The following ERBB4 variants were observed in gnomAD, a reference collection of about 807,000 sequenced individuals.
ERBB4 encodes the protein receptor tyrosine-protein kinase erbB-4.
ERBB4 carries 42 observed loss-of-function variants against 158.0 expected under a neutral mutation model. That is an observed-to-expected ratio of 0.27 (90% CI 0.21 to 0.34). ERBB4 has a LOEUF of 0.34. Among genes scored for constraint, ERBB4 ranks in the 10% least tolerant of loss-of-function variants. ERBB4 has a pLI of 1.00. For synonymous variants in ERBB4, 583 were observed against 558.7 expected, an observed-to-expected ratio of 1.04 and a Z score of -0.61; for missense variants, 1,333 against 1,624.1, an observed-to-expected ratio of 0.82 and a Z score of 3.08.
At chr2:212,497,865 A>G (rs1036332858) in intron 1 of ERBB4, among the ~76,000 whole-genome samples, 3 of 152,218 alleles carry the variant, frequency 2.0e-5, no homozygotes, top group Admixed American at 1.3e-4. Flanking sequence ...TAAAAATTGA[A>G]TAAGTTGTGG....
At chr2:212,289,353 G>T (rs1309379896) in intron 1 of ERBB4, among the ~76,000 whole-genome samples, 2 of 151,964 alleles carry the variant, frequency 1.3e-5, no homozygotes, top group Non-Finnish European at 2.9e-5. Flanking sequence ...TTGATATTTT[G>T]GCAGTTACTC....
At chr2:212,263,346 A>G (rs2085013399) in intron 1 of ERBB4, among the ~76,000 whole-genome samples, 1 of 152,148 alleles carries the variant, frequency 6.6e-6, no homozygotes, top group South Asian at 2.1e-4. Context: ...CCAGGAAATT[A>G]ATGCACTTTC....
intron 7 of ERBB4, among the ~76,000 whole-genome samples, chr2:211,719,690 C>T (rs1221022238): frequency 2.0e-5 from 3 of 151,764 alleles, no homozygotes; most frequent in Non-Finnish European, 4.4e-5. Context: ...CCCGTCTCTA[C>T]TAAAAATCCA....
chr2:211,998,393 A>C (rs1406386496), intron 2 of ERBB4, among the ~76,000 whole-genome samples: 1 of 151,868 alleles, frequency 6.6e-6, no homozygotes, highest in Non-Finnish European at 1.5e-5. Context: ...TATGTACATT[A>C]TCTTACTTGG....
At chr2:212,029,813 A>G (rs1559349564) in intron 2 of ERBB4, among the ~76,000 whole-genome samples, 1 of 152,172 alleles carries the variant, frequency 6.6e-6, no homozygotes, top group African/African-American at 2.4e-5. Flanking sequence ...GCTCAGGATA[A>G]TACCGAGTGT....
At chr2:211,685,801 A>G (rs1260845015) in intron 12 of ERBB4, among the ~76,000 whole-genome samples, 1 of 152,114 alleles carries the variant, frequency 6.6e-6, no homozygotes, top group Non-Finnish European at 1.5e-5. Context: ...TTCTTTCATC[A>G]GTATTTTGTA....
intron 1 of ERBB4, among the ~76,000 whole-genome samples, chr2:212,421,105 T>C (rs1454451347): frequency 6.6e-6 from 1 of 152,134 alleles, no homozygotes; most frequent in East Asian, 1.9e-4. Flanking sequence ...AGCCTAAACA[T>C]AATTCATCAA....
intron 12 of ERBB4, among the ~76,000 whole-genome samples, chr2:211,685,091 C>A (rs577987034): frequency 3.9e-5 from 6 of 152,006 alleles, no homozygotes; most frequent in Non-Finnish European, 8.8e-5. Flanking sequence ...TACTTTCATT[C>A]TTATCTTAGG....
In ERBB4 at chr2:211,773,625, TATATA is replaced by T. The variant is rs1183564327; in HGVS notation, c.556+14395_556+14399del. Among the ~76,000 whole-genome samples the T allele has an allele frequency of 9.6e-5, 6 of 62,202 alleles. 1 individual carries two copies. Among genetic ancestry groups the T allele is most frequent in the Non-Finnish European group, 1.6e-4 (5 of 30,624 alleles). 40.8% of individuals were successfully genotyped at this position (62,202 alleles called of 152,430 possible). On this transcript the variant is annotated intron_variant, in intron 4 of 27. Transcript: ENST00000342788. ...ATATATATATATATATATATATATA[TATATA>T]TATATATATATATATATAATATATA...
chr2:211,448,923 A>G (rs1343870521), intron 20 of ERBB4, among the ~76,000 whole-genome samples: 2 of 152,128 alleles, frequency 1.3e-5, no homozygotes, highest in Non-Finnish European at 2.9e-5. Flanking sequence ...TGGGTAAACT[A>G]TGATATTGAA....
In ERBB4 at chr2:212,022,975, T is replaced by C. The variant is rs1227175925; in HGVS notation, c.235-75359A>G. ...TGGTGGTGGGAAAGGGCAGGTACAT[T>C]GCAGAGGTATAGAAGTTTGAAGTTC... On this transcript the variant is annotated intron_variant, in intron 2 of 27. Coordinates refer to ENST00000342788, the MANE Select transcript of ERBB4 (RefSeq NM_005235.3). Among the ~76,000 whole-genome samples the C allele has an allele frequency of 3.3e-5, 5 of 152,158 alleles. No homozygotes were observed. The South Asian group carries it at 1.0e-3, about 31-fold the overall frequency.
chr2:212,162,095 A>G (rs1423458335), intron 1 of ERBB4, among the ~76,000 whole-genome samples: 2 of 151,890 alleles, frequency 1.3e-5, no homozygotes, highest in Admixed American at 1.3e-4. Context: ...CTTGGTATTT[A>G]CTCAAGAAAG....
intron 1 of ERBB4, among the ~76,000 whole-genome samples, chr2:212,396,339 A>G (rs973085755): frequency 6.6e-6 from 1 of 152,156 alleles, no homozygotes; most frequent in African/African-American, 2.4e-5. Context: ...TTAAAAGCCT[A>G]ACTTAAGAAG....
chr2:211,906,895 T>C (rs1291866173), intron 3 of ERBB4, among the ~76,000 whole-genome samples: 1 of 151,710 alleles, frequency 6.6e-6, no homozygotes, highest in Admixed American at 6.6e-5. Flanking sequence ...TGGGCACATT[T>C]CTTAGCTTCT....
intron 1 of ERBB4, among the ~76,000 whole-genome samples, chr2:212,367,026 G>T (rs1179056182): frequency 2.0e-5 from 3 of 151,908 alleles, no homozygotes. Flanking sequence ...TCAGAAGAGT[G>T]AGGCCTTAAT....
At chr2:211,785,137 C>T (rs1016929795) in intron 4 of ERBB4, among the ~76,000 whole-genome samples, 1 of 147,020 alleles carries the variant, frequency 6.8e-6, no homozygotes, top group East Asian at 2.1e-4. Flanking sequence ...GAGTCTCACT[C>T]TGTCCCCAGG....
At chr2:212,481,455 G>C (rs1354276118) in intron 1 of ERBB4, among the ~76,000 whole-genome samples, 1 of 152,124 alleles carries the variant, frequency 6.6e-6, no homozygotes, top group Non-Finnish European at 1.5e-5. Flanking sequence ...AGAGATTCTA[G>C]TAGAACATTT....
chr2:212,003,638 AAAT>A (rs2076193911), intron 2 of ERBB4, among the ~76,000 whole-genome samples: 1 of 152,204 alleles, frequency 6.6e-6, no homozygotes, highest in South Asian at 2.1e-4. Flanking sequence ...CTAAGAAATA[AAAT>A]AATAAAAATA....
chr2:212,443,098 C>T (rs1386174681), intron 1 of ERBB4, among the ~76,000 whole-genome samples: 1 of 152,220 alleles, frequency 6.6e-6, no homozygotes, highest in Non-Finnish European at 1.5e-5. Flanking sequence ...GCCTTTTTCT[C>T]CATTCCTGTC....
Sources: gnomAD v4.1 joint callset for allele counts (sites outside exome capture counted in the v4.1 genomes callset) on GRCh38, gnomAD v4.1.1 for gene constraint, MANE v1.5 for transcripts, NCBI Gene and HGNC (gene_info 2026-07-23, HGNC 2026-07-21) for gene names.